The following ACAD8 variants were observed in gnomAD, a reference collection of about 807,000 sequenced individuals.
ACAD8 encodes acyl-CoA dehydrogenase family member 8, also known as isobutyryl-CoA dehydrogenase, mitochondrial.
A neutral mutation model predicts 53.1 loss-of-function variants in ACAD8; 47 were observed. That is an observed-to-expected ratio of 0.89 (90% CI 0.70 to 1.13). The LOEUF is 1.13. Among genes scored for constraint, ACAD8 ranks in the 50% most tolerant of loss-of-function variants. ACAD8 has a pLI of 0.00. For synonymous variants in ACAD8, 198 were observed against 201.3 expected, an observed-to-expected ratio of 0.98 and a Z score of 0.14; for missense variants, 494 against 535.0, an observed-to-expected ratio of 0.92 and a Z score of 0.76.
chr11:134,263,940 A>G, intron 10 of ACAD8: 1 of 985,356 alleles, frequency 1.0e-6, no homozygotes, highest in East Asian at 1.1e-4. Context: ...CACTGCTAAA[A>G]ATGAAGCAAA....
At chr11:134,257,389 AG>A in intron 3 of ACAD8, 132 bp downstream of exon 3, 1 of 1,190,944 alleles carries the variant, frequency 8.4e-7, no homozygotes, top group Non-Finnish European at 1.2e-6. Context: ...AGTACACTCT[AG>A]GGGCCGGGCG....
chr11:134,257,340 T>C, intron 3 of ACAD8, 83 bp downstream of exon 3: 1 of 1,547,642 alleles, frequency 6.5e-7, no homozygotes, highest in East Asian at 2.3e-5. Context: ...AAAAGATTGA[T>C]CTTTTGAAGC....
chr11:134,253,851 C>T (rs377656149), intron 1 of ACAD8, 142 bp downstream of exon 1: 18 of 913,342 alleles, frequency 2.0e-5, no homozygotes, highest in South Asian at 4.3e-5. Flanking sequence ...CGGCCTGGCT[C>T]CCTACTCCGG....
At chr11:134,262,391 G>A in intron 9 of ACAD8, 129 bp from the exon 10 acceptor site, 2 of 692,998 alleles carry the variant, frequency 2.9e-6, no homozygotes, top group Non-Finnish European at 5.2e-6. Flanking sequence ...CCCTCTTTGA[G>A]CTTGGCTGTT....
At chr11:134,262,466 C>T in intron 9 of ACAD8, 54 bp from the exon 10 acceptor site, 1 of 1,273,936 alleles carries the variant, frequency 7.8e-7, no homozygotes, top group Non-Finnish European at 1.1e-6. Context: ...AGGGAAGCTG[C>T]TTGCTCCACA....
chr11:134,253,818 C>T (rs1427085595), intron 1 of ACAD8, 109 bp downstream of exon 1: 9 of 1,174,784 alleles, frequency 7.7e-6, no homozygotes, highest in Non-Finnish European at 1.1e-5. Context: ...GGCGTCAGCT[C>T]CCCTTCCGGC....
Position 134,259,645 on chromosome 11 carries a change from T to G in ACAD8, c.605T>G (p.Val202Gly). The G allele has an allele frequency of 6.2e-7, 1 of 1,614,168 alleles. No individual in the cohort carries two copies. The highest frequency in any genetic ancestry group is 8.5e-7 in the Non-Finnish European group (1 of 1,180,026). Residue 202 changes from valine to glycine, a missense_variant, in exon 6 of 11, where the codon GTG (valine) becomes GGG (glycine). Transcript: ENST00000281182. ...GGTGCTGGTGAGTCAGACATCTATG[T>G]GGTCATGTGCCGAACAGGAGGACCA... Reference protein sequence around the residue: ...ISGAGESDIYVVMCRTGGPGP... With the variant: ...ISGAGESDIYGVMCRTGGPGP...
rs532023957 is a variant in ACAD8 at position 134,262,046 on chromosome 11, A to G, written c.1092+156A>G. The G allele has an allele frequency of 4.6e-5, 40 of 875,904 alleles. 1 individual carries two copies. Among genetic ancestry groups the G allele is most frequent in the Admixed American group, 4.0e-4 (20 of 49,824 alleles). The allele number at this position is 875,904 out of a possible 1,614,324, so 54.3% of individuals were successfully genotyped here. A position where few individuals can be genotyped will look rare whatever the true frequency, so the allele number is the denominator to read the frequency against. On this transcript the variant is annotated intron_variant, in intron 9 of 10. Transcript: ENST00000281182. ...ATATAAATGAACTCATGAGCGGCCT[A>G]TGTGGGAGCTCTCATCGCTGGCTTT...
rs1420050877 is a variant in ACAD8, at chr11:134,265,088, C to T, written c.*128C>T. 9.9e-7 allele frequency: 1 copy of T among 1,008,750 alleles called. No individual in the cohort carries two copies. Among genetic ancestry groups the T allele is most frequent in the Non-Finnish European group, 1.6e-6 (1 of 641,798 alleles). 62.5% of individuals were successfully genotyped at this position (1,008,750 alleles called of 1,614,324 possible). ...GGGCTGAGCTCCTCTAGGGCAGGAC[C>T]TGCACCCTGTGTGTTGGCACCAGCA... On this transcript the variant is annotated 3_prime_UTR_variant, in exon 11 of 11. Coordinates refer to ENST00000281182, the MANE Select transcript of ACAD8 (RefSeq NM_014384.3).
intron 10 of ACAD8, among the ~76,000 whole-genome samples, chr11:134,264,335 T>TC (rs1382805631): frequency 6.6e-5 from 10 of 152,042 alleles, no homozygotes; most frequent in Non-Finnish European, 1.3e-4. Context: ...ACAGTGAGAC[T>TC]CCATCTAAAA....
In ACAD8 at chr11:134,261,429, C is replaced by T; in HGVS notation, c.939+57C>T. The T allele has an allele frequency of 6.3e-7, 1 of 1,581,082 alleles. No individual in the cohort carries two copies. The highest frequency in any genetic ancestry group is 1.7e-5 in the Admixed American group (1 of 59,876). Reference sequence around the variant, plus strand: ...CACTATTTGCAGCCCGGGACCTGCTCTAGGGCCCACATTTCCAGGAGAGAA... The same window carrying T: ...CACTATTTGCAGCCCGGGACCTGCTTTAGGGCCCACATTTCCAGGAGAGAA... On this transcript the variant is annotated intron_variant, in intron 8 of 10. Coordinates refer to ENST00000281182, the MANE Select transcript of ACAD8 (RefSeq NM_014384.3). This position sits in a 1 kb window ranked among gnomAD's most constrained non-coding sequence, Gnocchi z 4.2.
At chr11:134,262,374 G>A in intron 9 of ACAD8, 146 bp from the exon 10 acceptor site, 2 of 676,476 alleles carry the variant, frequency 3.0e-6, no homozygotes, top group South Asian at 3.1e-5. Context: ...CATACAGAAT[G>A]TGGAGGCCCT....
intron 1 of ACAD8, among the ~76,000 whole-genome samples, chr11:134,253,960 ACCCCCGCCCCGGTCCTCCTCCGGCCG>A (rs1282491744): frequency 1.6e-5 from 2 of 128,242 alleles, no homozygotes; most frequent in African/African-American, 6.0e-5. Context: ...CCGGCCGGTC[ACCCCCGCCCCGGTCCTCCTCCGGCCG>A]GTCACCCCCG....
chr11:134,264,120 G>A (rs1356271289), intron 10 of ACAD8: 2 of 911,436 alleles, frequency 2.2e-6, no homozygotes, highest in African/African-American at 3.6e-5. Context: ...TGAGGCGGGT[G>A]GATCGCGTGA....
At chr11:134,253,833 C>T in intron 1 of ACAD8, 124 bp downstream of exon 1, 1 of 1,058,326 alleles carries the variant, frequency 9.4e-7, no homozygotes, top group Non-Finnish European at 1.4e-6. Flanking sequence ...TCCGGCCAGT[C>T]ACCCCCCCGG....
At position 134,257,880 on chromosome 11, in the gene ACAD8, C is replaced by T. The variant is rs968224185; in HGVS notation, c.380+623C>T. ...TTTATTTATTTTTAAGACAGAGTCTCGCTCTGTTGCCCAGGCTAGGGTGCA... is the reference window on the plus strand; with the variant it reads ...TTTATTTATTTTTAAGACAGAGTCTTGCTCTGTTGCCCAGGCTAGGGTGCA... On this transcript the variant is annotated intron_variant, in intron 3 of 10. Transcript: ENST00000281182. 17 of 163,162 alleles carry T rather than the reference C, an allele frequency of 1.0e-4. No individual in the cohort carries two copies. In the South Asian group the frequency reaches 1.9e-3, roughly 18 times the overall value. 10.1% of individuals were successfully genotyped at this position (163,162 alleles called of 1,614,324 possible).
Position 134,260,146 on chromosome 11 carries a change from T to C in ACAD8, c.705+401T>C, listed in dbSNP as rs1939798584. ...TCCCTTTTGCTTCTTTGATTAAAAA[T>C]AAAGTAAAACTCATTGGAGATGATT... On this transcript the variant is annotated intron_variant, in intron 6 of 10. Coordinates refer to ENST00000281182, the MANE Select transcript of ACAD8 (RefSeq NM_014384.3). 5 of 1,158,118 alleles carry C rather than the reference T, an allele frequency of 4.3e-6. No homozygotes were observed. In the South Asian group the frequency reaches 7.2e-5, roughly 17 times the overall value. 71.7% of individuals were successfully genotyped at this position (1,158,118 alleles called of 1,614,324 possible). A position where few individuals can be genotyped will look rare whatever the true frequency, so the allele number is the denominator to read the frequency against.
At chr11:134,262,409 C>A in intron 9 of ACAD8, 111 bp from the exon 10 acceptor site, 2 of 735,564 alleles carry the variant, frequency 2.7e-6, no homozygotes. Flanking sequence ...GTTTGTGGTT[C>A]TTTCATGGGT....
rs758107874 is a variant in ACAD8 at position 134,258,617 on chromosome 11, T to G, written c.483T>G (p.Thr161=). The change falls in exon 4 of 11, where the codon ACT becomes ACG. Residue 161 remains threonine (T), a synonymous_variant. Transcript: ENST00000281182. The part of the protein sequence containing the change: ...TMEKFASYCL[T]EPGSGSDAAS... Reference sequence around the variant, plus strand: ...AGAAGTTTGCTTCCTACTGCCTCACTGAACCAGGTGAATTTGCCACACTGC... The same window carrying G: ...AGAAGTTTGCTTCCTACTGCCTCACGGAACCAGGTGAATTTGCCACACTGC... The G allele has an allele frequency of 2.5e-6, 4 of 1,612,972 alleles. No individual in the cohort carries two copies. In the Admixed American group the frequency reaches 5.0e-5, roughly 20 times the overall value.
Sources: allele counts gnomAD v4.1 joint callset (sites outside exome capture counted in the v4.1 genomes callset), GRCh38; gene constraint gnomAD v4.1.1; non-coding constraint Gnocchi (gnomAD v3.1); transcripts MANE v1.5; gene names NCBI Gene and HGNC (gene_info 2026-07-23, HGNC 2026-07-21).